ZNF626: variants seen among roughly 807,000 people sequenced by gnomAD.
The protein encoded by ZNF626 is CTC-513N18.7.
ZNF626 carries 4 observed loss-of-function variants against 11.7 expected under a neutral mutation model. The observed-to-expected ratio is 0.34, with a 90% CI of 0.17 to 0.78. The LOEUF (loss-of-function observed/expected upper bound fraction) is 0.78, where lower values mean the gene tolerates loss of function less well. ZNF626 is among the 30% of genes least tolerant of loss of function. ZNF626 has a pLI of 0.57. For synonymous variants in ZNF626, 179 were observed against 198.6 expected (o/e 0.90, Z 0.83); for missense variants, 588 against 587.1 (o/e 1.00, Z -0.01).
intron 3 of ZNF626, among the ~76,000 whole-genome samples, chr19:20,626,780 C>T (rs1969839564): frequency 6.6e-6 from 1 of 152,008 alleles, no homozygotes; most frequent in African/African-American, 2.4e-5. Context: ...CTTAGGAGGC[C>T]ACCTTGGCCT....
chr19:20,639,289 A>T (rs1969998063), intron 3 of ZNF626, among the ~76,000 whole-genome samples: 1 of 151,836 alleles, frequency 6.6e-6, no homozygotes, highest in South Asian at 2.1e-4. Context: ...ATACTGCAGC[A>T]TGAGGTTTGG....
At chr19:20,648,991 T>G (rs782380969) in intron 1 of ZNF626, among the ~76,000 whole-genome samples, 1 of 152,060 alleles carries the variant, frequency 6.6e-6, no homozygotes, top group Admixed American at 6.5e-5. Flanking sequence ...TAAGCCAAAC[T>G]CATTAGGGAG....
chr19:20,641,033 G>A (rs1970018890), intron 3 of ZNF626, among the ~76,000 whole-genome samples: 1 of 151,696 alleles, frequency 6.6e-6, no homozygotes, highest in Admixed American at 6.6e-5. Flanking sequence ...TTACTTGGGA[G>A]GCTGAAGCAG....
intron 1 of ZNF626, among the ~76,000 whole-genome samples, chr19:20,649,867 A>G (rs535610374): frequency 7.2e-5 from 11 of 152,374 alleles, no homozygotes; most frequent in African/African-American, 2.4e-4. Context: ...AAGCAGGTAC[A>G]GCACAAGGTC....
intron 1 of ZNF626, among the ~76,000 whole-genome samples, chr19:20,650,249 A>C (rs1373044760): frequency 1.3e-5 from 2 of 151,896 alleles, no homozygotes; most frequent in Non-Finnish European, 2.9e-5. Context: ...AATTTGTTAA[A>C]AAAAAAAACC....
At chr19:20,645,435 T>C (rs781966145) in intron 3 of ZNF626, 16 of 1,611,688 alleles carry the variant, frequency 9.9e-6, no homozygotes, top group Non-Finnish European at 1.3e-5. Flanking sequence ...CACTGTGAAC[T>C]TGAAGGAAGC....
At chr19:20,646,250 G>A in intron 2 of ZNF626, 29 bp downstream of exon 2, 1 of 1,586,612 alleles carries the variant, frequency 6.3e-7, no homozygotes, top group South Asian at 1.2e-5. Flanking sequence ...AAATCTATAG[G>A]GTATATTATG....
rs536248287 is a variant in ZNF626, at chr19:20,660,449, C to T, written c.3+995G>A. Reference sequence around the variant, plus strand: ...TACTTTTTTTTTCTTTTTTTTGAGCCGGAGTCTCGCTTTGTCACGCAGGCT... The same window carrying T: ...TACTTTTTTTTTCTTTTTTTTGAGCTGGAGTCTCGCTTTGTCACGCAGGCT... On this transcript the variant is annotated intron_variant, in intron 1 of 3. Coordinates refer to ENST00000601440, the MANE Select transcript of ZNF626 (RefSeq NM_001076675.3). Among the ~76,000 whole-genome samples, 10 of 151,524 alleles carry T rather than the reference C, an allele frequency of 6.6e-5. 1 individual carries two copies. Among genetic ancestry groups the T allele is most frequent in the Admixed American group, 4.6e-4 (7 of 15,210 alleles).
At chr19:20,634,944 T>C (rs1969950869) in intron 3 of ZNF626, among the ~76,000 whole-genome samples, 1 of 152,236 alleles carries the variant, frequency 6.6e-6, no homozygotes, top group East Asian at 1.9e-4. Context: ...AGCACATATG[T>C]TAGCTTTCAC....
intron 3 of ZNF626, among the ~76,000 whole-genome samples, chr19:20,636,509 A>G (rs183781786): frequency 4.6e-5 from 7 of 152,150 alleles, no homozygotes; most frequent in Admixed American, 3.9e-4. Context: ...GTATTCATGA[A>G]AGGACTCTTA....
intron 1 of ZNF626, among the ~76,000 whole-genome samples, chr19:20,660,960 TAAC>T (rs1283436056): frequency 1.3e-5 from 2 of 151,778 alleles, no homozygotes; most frequent in African/African-American, 4.8e-5. Context: ...TTAGTTGTCC[TAAC>T]ACCTCTTTAC....
rs1466724803 is a variant in ZNF626 at position 20,633,602 on chromosome 19, A to G, written c.227-7952T>C. Among the ~76,000 whole-genome samples, 10 of 152,336 alleles carry G rather than the reference A, an allele frequency of 6.6e-5. No individual in the cohort carries two copies. In the East Asian group the frequency reaches 1.2e-3, roughly 18 times the overall value. ...GGACCCTCTGAGCTGGGTGAGGGAT[A>G]TAATATCCTGGTGTGCCGTTTTTTA... On this transcript the variant is annotated intron_variant, in intron 3 of 3. Coordinates refer to ENST00000601440, the MANE Select transcript of ZNF626 (RefSeq NM_001076675.3).
chr19:20,647,575 C>A, intron 1 of ZNF626, among the ~76,000 whole-genome samples: 1 of 151,360 alleles, frequency 6.6e-6, no homozygotes, highest in South Asian at 2.1e-4. Flanking sequence ...CAAGCTCCAC[C>A]TCCCAGGTTC....
chr19:20,646,222 AC>A, intron 2 of ZNF626, 56 bp downstream of exon 2: 1 of 1,483,656 alleles, frequency 6.7e-7, no homozygotes, highest in South Asian at 1.4e-5. Flanking sequence ...AAAACATTCT[AC>A]AAAAAATAAA....
At chr19:20,634,462 T>C (rs1969944842) in intron 3 of ZNF626, among the ~76,000 whole-genome samples, 1 of 152,168 alleles carries the variant, frequency 6.6e-6, no homozygotes, top group Non-Finnish European at 1.5e-5. Flanking sequence ...TCACTTTCTA[T>C]GACAAAAATG....
At chr19:20,645,115 G>C (rs1159789440) in intron 3 of ZNF626, 20 of 526,804 alleles carry the variant, frequency 3.8e-5, no homozygotes, top group Non-Finnish European at 5.2e-5. Flanking sequence ...AAATTTACAT[G>C]AAACTAAAAT....
intron 3 of ZNF626, among the ~76,000 whole-genome samples, chr19:20,629,450 T>C (rs567661001): frequency 8.5e-5 from 13 of 152,344 alleles, no homozygotes; most frequent in African/African-American, 2.9e-4. Context: ...TATCCTCTTT[T>C]ATTTCACTGA....
chr19:20,656,650 AAAG>A (rs1401783295), intron 1 of ZNF626, among the ~76,000 whole-genome samples: 1 of 151,850 alleles, frequency 6.6e-6, no homozygotes, highest in African/African-American at 2.4e-5. Context: ...ATGCTTGTCA[AAAG>A]AAGACATACA....
intron 3 of ZNF626, among the ~76,000 whole-genome samples, chr19:20,635,354 A>G (rs576522394): frequency 8.5e-5 from 13 of 152,112 alleles, no homozygotes; most frequent in Non-Finnish European, 1.6e-4. Context: ...TATACTTGTC[A>G]CTCTAACTCT....
Sources: allele counts gnomAD v4.1 joint callset (sites outside exome capture counted in the v4.1 genomes callset), GRCh38; gene constraint gnomAD v4.1.1; transcripts MANE v1.5; gene names NCBI Gene and HGNC (gene_info 2026-07-23, HGNC 2026-07-21).